Variants in TMC1 observed in about 807,000 individuals in gnomAD.
TMC1 encodes transmembrane channel like 1, also known as transmembrane channel-like protein 1.
In TMC1, 84 loss-of-function variants were observed where a neutral mutation model predicts 105.8. The ratio of observed to expected loss-of-function variants is 0.79; its 90% confidence interval spans 0.67 to 0.95. TMC1 has a LOEUF of 0.95. Ranked by LOEUF, TMC1 falls within the 40% of genes least tolerant of loss-of-function variation. The pLI, the probability that TMC1 is intolerant of heterozygous loss-of-function variation, is 0.00. For synonymous variants in TMC1, 315 were observed against 311.5 expected (o/e 1.01, Z -0.12); for missense variants, 817 against 914.1 (o/e 0.89, Z 1.37).
At position 72,783,021 on chromosome 9, in the gene TMC1, C is replaced by T. The variant is rs558609039; in HGVS notation, c.885-5318C>T. Among the ~76,000 whole-genome samples, 19 of 152,156 alleles carry T rather than the reference C, an allele frequency of 1.2e-4. No homozygotes were observed. In the South Asian group the frequency reaches 3.3e-3, roughly 27 times the overall value. ...TAAAAAAAATTTAAAAAGCTGGAGG[C>T]ATCAGAATCACACTACCTGACTTCA... On this transcript the variant is annotated intron_variant, in intron 13 of 23. Coordinates refer to ENST00000297784, the MANE Select transcript of TMC1 (RefSeq NM_138691.3).
intron 5 of TMC1, among the ~76,000 whole-genome samples, chr9:72,663,954 A>G (rs1826004319): frequency 6.6e-6 from 1 of 152,102 alleles, no homozygotes; most frequent in African/African-American, 2.4e-5. Context: ...CAGGTTCTGG[A>G]TCATCAATAT....
intron 5 of TMC1, among the ~76,000 whole-genome samples, chr9:72,662,385 C>G (rs1483915035): frequency 2.0e-5 from 3 of 148,866 alleles, no homozygotes; most frequent in Non-Finnish European, 4.5e-5. Flanking sequence ...TTAGTAGAGG[C>G]AGGGTTTCAC....
chr9:72,763,637 C>T (rs535556233), intron 12 of TMC1, among the ~76,000 whole-genome samples: 4 of 152,190 alleles, frequency 2.6e-5, no homozygotes, highest in Admixed American at 2.0e-4. Flanking sequence ...TTACAGAGAA[C>T]GTGTGATGAT....
At chr9:72,736,429 T>A (rs1319872362) in intron 8 of TMC1, among the ~76,000 whole-genome samples, 1 of 152,222 alleles carries the variant, frequency 6.6e-6, no homozygotes, top group East Asian at 1.9e-4. Context: ...AAATTAAAAA[T>A]CTTGGTAGAA....
intron 1 of TMC1, among the ~76,000 whole-genome samples, chr9:72,551,327 A>T (rs1823857053): frequency 6.6e-6 from 1 of 152,222 alleles, no homozygotes; most frequent in Admixed American, 6.5e-5. Flanking sequence ...CATCTGCCCT[A>T]GCCGTTTATC....
chr9:72,831,960 T>TATAAATCATGCTGCTA (rs1243828224), intron 23 of TMC1, among the ~76,000 whole-genome samples: 3 of 151,440 alleles, frequency 2.0e-5, no homozygotes, highest in Non-Finnish European at 4.4e-5. Flanking sequence ...CCCAAAGGAT[T>TATAAATCATGCTGCTA]TTTTTTCTTT....
intron 7 of TMC1, among the ~76,000 whole-genome samples, chr9:72,698,076 A>G (rs556695289): frequency 2.0e-5 from 3 of 152,254 alleles, no homozygotes; most frequent in Admixed American, 6.5e-5. Flanking sequence ...GATAGAGTAA[A>G]AAAAATCCTG....
At chr9:72,659,426 G>C (rs1825934850) in intron 5 of TMC1, among the ~76,000 whole-genome samples, 1 of 152,102 alleles carries the variant, frequency 6.6e-6, no homozygotes, top group Admixed American at 6.5e-5. Context: ...CTTGAGGCCA[G>C]GATATCAAGA....
intron 4 of TMC1, among the ~76,000 whole-genome samples, chr9:72,644,858 G>A (rs1825684605): frequency 6.6e-6 from 1 of 152,108 alleles, no homozygotes; most frequent in Non-Finnish European, 1.5e-5. Flanking sequence ...TGTGTGAACA[G>A]GAGCTAGTTT....
In TMC1 at chr9:72,700,559, A is replaced by C; in HGVS notation, c.278A>C (p.Lys93Thr). 6.2e-7 allele frequency: 1 copy of C among 1,604,132 alleles called. No homozygotes were observed. The highest frequency in any genetic ancestry group is 8.5e-7 in the Non-Finnish European group (1 of 1,173,146). The change falls in exon 8 of 24, where the codon AAG becomes ACG. Residue 93 changes from lysine to threonine, a missense_variant. Physicochemically the swap from Lys to Thr is moderately conservative, Grantham distance 78. Coordinates refer to ENST00000297784, the MANE Select transcript of TMC1 (RefSeq NM_138691.3). ...EIDEEELERL[K>T]AELDEKRQII... ...GATGAAGAGGAATTGGAAAGATTGA[A>C]GGCAGAGTTAGATGAGAAAAGACAA...
At chr9:72,648,775 G>T (rs905967173) in intron 5 of TMC1, 111 bp downstream of exon 5, 6 of 955,494 alleles carry the variant, frequency 6.3e-6, no homozygotes, top group Non-Finnish European at 8.4e-6. Context: ...CTCTTTTGGG[G>T]CTTTCCCTTT....
intron 8 of TMC1, among the ~76,000 whole-genome samples, chr9:72,718,183 T>G (rs571473734): frequency 3.9e-5 from 6 of 152,336 alleles, no homozygotes; most frequent in Admixed American, 3.9e-4. Context: ...CTACTCGACC[T>G]TCTGAATTTT....
Position 72,830,836 on chromosome 9 carries a change from C to T in TMC1, c.2260+154C>T, listed in dbSNP as rs535726552. ...ATCCTTACCTTCCACCTTTTTAGCCCTTCTCAGGCATCACATCCAGGGTAT... is the reference window on the plus strand; with the variant it reads ...ATCCTTACCTTCCACCTTTTTAGCCTTTCTCAGGCATCACATCCAGGGTAT... On this transcript the variant is annotated intron_variant, in intron 23 of 23. Transcript: ENST00000297784. Among the ~76,000 whole-genome samples, 6 of 150,912 alleles carry T rather than the reference C, an allele frequency of 4.0e-5. No homozygotes were observed. The South Asian group carries it at 8.4e-4, about 21-fold the overall frequency.
chr9:72,590,840 T>C (rs999362054), intron 2 of TMC1, among the ~76,000 whole-genome samples: 8 of 152,186 alleles, frequency 5.3e-5, no homozygotes, highest in Non-Finnish European at 7.3e-5. Flanking sequence ...TTAATTGTCC[T>C]GGAACAACAG....
chr9:72,753,140 A>G (rs1827609455), intron 11 of TMC1, among the ~76,000 whole-genome samples: 1 of 152,112 alleles, frequency 6.6e-6, no homozygotes, highest in Non-Finnish European at 1.5e-5. Flanking sequence ...ATAATCCTTG[A>G]GATAATTCCA....
intron 12 of TMC1, among the ~76,000 whole-genome samples, chr9:72,761,522 A>T (rs188646655): frequency 2.0e-5 from 3 of 152,294 alleles, no homozygotes; most frequent in Admixed American, 2.0e-4. Flanking sequence ...GATAGAAGAT[A>T]TCCTACAATG....
intron 5 of TMC1, among the ~76,000 whole-genome samples, chr9:72,658,598 G>A (rs1186281548): frequency 3.3e-5 from 5 of 152,134 alleles, no homozygotes; most frequent in Non-Finnish European, 7.3e-5. Context: ...ATAGGAATAT[G>A]TTTTATAGAA....
chr9:72,707,600 T>C (rs145498170), intron 8 of TMC1, among the ~76,000 whole-genome samples: 1 of 152,312 alleles, frequency 6.6e-6, no homozygotes, highest in Non-Finnish European at 1.5e-5. Context: ...CACTTTTTGA[T>C]AGGACTGTTT....
At chr9:72,721,481 T>G (rs1827025186) in intron 8 of TMC1, among the ~76,000 whole-genome samples, 1 of 152,248 alleles carries the variant, frequency 6.6e-6, no homozygotes, top group Admixed American at 6.5e-5. Flanking sequence ...TGCGTGATGT[T>G]CATGTATTAA....
Sources: gnomAD v4.1 joint callset for allele counts (sites outside exome capture counted in the v4.1 genomes callset) on GRCh38, gnomAD v4.1.1 for gene constraint, MANE v1.5 for transcripts, NCBI Gene and HGNC (gene_info 2026-07-23, HGNC 2026-07-21) for gene names.